Variants in STX3 observed in about 807,000 individuals in gnomAD.
STX3 encodes the protein syntaxin 3.
STX3 carries 19 observed loss-of-function variants against 40.2 expected under a neutral mutation model. The ratio of observed to expected loss-of-function variants is 0.47; its 90% CI spans 0.33 to 0.69. The LOEUF (loss-of-function observed/expected upper bound fraction) is 0.69. STX3 is among the 30% of genes least tolerant of loss of function. The pLI, the probability that STX3 is intolerant of heterozygous loss-of-function variation, is 0.02. For synonymous variants in STX3, 122 were observed against 132.2 expected (o/e 0.92, Z 0.53); for missense variants, 364 against 366.7 (o/e 0.99, Z 0.06).
chr11:59,805,603 T>TGA lies in STX3; in HGVS notation c.*4781_*4782dup, dbSNP rs1459290702. 1 of 152,246 alleles carries TGA rather than the reference T, an allele frequency of 6.6e-6. No homozygotes were observed. The highest frequency in any genetic ancestry group is 1.9e-4 in the East Asian group (1 of 5,202). The allele number at this position is 152,246 out of a possible 1,614,324, so 9.4% of individuals were successfully genotyped here. The stretch of plus-strand genomic sequence containing the variant: ...AAACGGAGCTGGAGCTATGAGGATC[T>TGA]GAGTCCTAGGGGGCCCTCATTCACT... On this transcript the variant is annotated 3_prime_UTR_variant, in exon 11 of 11. Transcript: ENST00000337979.
chr11:59,766,818 A>T (rs1026366008), intron 1 of STX3, among the ~76,000 whole-genome samples: 7 of 152,222 alleles, frequency 4.6e-5, no homozygotes, highest in African/African-American at 1.7e-4. Flanking sequence ...GCAAATCAGT[A>T]GCTGGGAGAC....
intron 2 of STX3, among the ~76,000 whole-genome samples, chr11:59,778,542 A>T (rs1466512324): frequency 2.0e-5 from 3 of 152,104 alleles, no homozygotes; most frequent in African/African-American, 7.2e-5. Context: ...TGTTAAAAAG[A>T]AAGAGAGGGA....
chr11:59,759,432 T>G (rs564927210), intron 1 of STX3, among the ~76,000 whole-genome samples: 1 of 152,210 alleles, frequency 6.6e-6, no homozygotes, highest in Non-Finnish European at 1.5e-5. Context: ...GCGTCAAGTT[T>G]AGGCAGGATT....
In STX3 at chr11:59,773,240, T is replaced by C; in HGVS notation, c.60T>C (p.Asp20=). ...AKQLTQDDDT[D]AVEIAIDNTA... is the part of the protein sequence containing the mutation. The stretch of plus-strand genomic sequence containing the variant: ...AGCTGACACAGGATGATGATACTGA[T>C]GCGGTTGAGATTGCTATCGACAACA... The change falls in exon 2 of 11, where the codon GAT becomes GAC. Residue 20 remains aspartate, a synonymous_variant. Coordinates refer to ENST00000337979, the MANE Select transcript of STX3 (RefSeq NM_004177.5). 2 of 1,614,236 alleles carry C rather than the reference T, an allele frequency of 1.2e-6. No homozygotes were observed. The highest frequency in any genetic ancestry group is 1.6e-4 in the Middle Eastern group (1 of 6,062).
At chr11:59,760,873 C>T (rs1228249544) in intron 1 of STX3, among the ~76,000 whole-genome samples, 1 of 152,208 alleles carries the variant, frequency 6.6e-6, no homozygotes, top group Non-Finnish European at 1.5e-5. Flanking sequence ...CACTATATGC[C>T]TCTGATGCAA....
chr11:59,759,243 A>G (rs1346171303), intron 1 of STX3, among the ~76,000 whole-genome samples: 2 of 152,222 alleles, frequency 1.3e-5, no homozygotes, highest in East Asian at 3.8e-4. Context: ...AAGTGAGTGA[A>G]TTGAGGCTTA....
In STX3 at chr11:59,801,460, C is replaced by T; in HGVS notation, c.*636C>T. Reference sequence around the variant, plus strand: ...AGCTTGGGGGGCAACTTTGATTTTTCTCTGTGTTGTAGTCTCTCATATTTA... The same window carrying T: ...AGCTTGGGGGGCAACTTTGATTTTTTTCTGTGTTGTAGTCTCTCATATTTA... On this transcript the variant is annotated 3_prime_UTR_variant, in exon 11 of 11. Coordinates refer to ENST00000337979, the MANE Select transcript of STX3 (RefSeq NM_004177.5). The T allele has an allele frequency of 1.0e-6, 1 of 986,458 alleles. No homozygotes were observed. The highest frequency in any genetic ancestry group is 1.2e-6 in the Non-Finnish European group (1 of 830,626). 61.1% of individuals were successfully genotyped at this position (986,458 alleles called of 1,614,324 possible).
chr11:59,757,517 C>G (rs1862785303), intron 1 of STX3, among the ~76,000 whole-genome samples: 1 of 152,172 alleles, frequency 6.6e-6, no homozygotes, highest in South Asian at 2.1e-4. Flanking sequence ...CTTTGCCTCT[C>G]CTCGGTGCCT....
intron 3 of STX3, among the ~76,000 whole-genome samples, chr11:59,788,548 G>A (rs1257976517): frequency 6.6e-6 from 1 of 151,858 alleles, no homozygotes; most frequent in Non-Finnish European, 1.5e-5. Context: ...CGAAGCTCCC[G>A]TGGTAGGCTC....
chr11:59,755,997 C>T (rs1018307657), intron 1 of STX3, among the ~76,000 whole-genome samples: 2 of 152,230 alleles, frequency 1.3e-5, no homozygotes, highest in African/African-American at 4.8e-5. Context: ...GCCTCCTTCT[C>T]CCTTTCCTGT....
intron 4 of STX3, chr11:59,789,192 C>A: frequency 2.9e-6 from 1 of 343,496 alleles, no homozygotes; most frequent in Non-Finnish European, 5.4e-6. Context: ...TTAAAATGTG[C>A]TTTCAGCTGC....
At chr11:59,770,021 G>A (rs1003442564) in intron 1 of STX3, among the ~76,000 whole-genome samples, 7 of 150,242 alleles carry the variant, frequency 4.7e-5, no homozygotes, top group African/African-American at 7.5e-5. Flanking sequence ...TGTGTGGAGT[G>A]TGTGTGTGTG....
At position 59,755,652 on chromosome 11, in the gene STX3, G is replaced by C. The variant is rs1299442089; in HGVS notation, c.30+17G>C. ...CTGAAGGCCGTGAGTTTCGCCGCAGGCGGGGTGCTGCCAGGAGGGGTGCTG... is the reference window on the plus strand; with the variant it reads ...CTGAAGGCCGTGAGTTTCGCCGCAGCCGGGGTGCTGCCAGGAGGGGTGCTG... On this transcript the variant is annotated intron_variant, in intron 1 of 10. Transcript: ENST00000337979. 1 of 1,591,480 alleles carries C rather than the reference G, an allele frequency of 6.3e-7. No homozygotes were observed. Among genetic ancestry groups the C allele is most frequent in the Non-Finnish European group, 8.5e-7 (1 of 1,174,972 alleles).
At chr11:59,768,826 T>C (rs1034018528) in intron 1 of STX3, among the ~76,000 whole-genome samples, 3 of 152,122 alleles carry the variant, frequency 2.0e-5, no homozygotes, top group African/African-American at 7.2e-5. Flanking sequence ...GGTCTGCTAC[T>C]CAAGCAAGGT....
At chr11:59,781,615 C>G in intron 2 of STX3, 1 of 1,613,670 alleles carries the variant, frequency 6.2e-7, no homozygotes, top group Non-Finnish European at 8.5e-7. Context: ...GCCATTGCGC[C>G]CATTTTTCGC....
At chr11:59,767,435 G>A (rs548083226) in intron 1 of STX3, among the ~76,000 whole-genome samples, 6 of 152,308 alleles carry the variant, frequency 3.9e-5, no homozygotes, top group Admixed American at 3.3e-4. Context: ...GCTAAGCTCA[G>A]TCATGTGGGC....
intron 1 of STX3, among the ~76,000 whole-genome samples, chr11:59,761,742 T>G (rs1268240369): frequency 6.6e-6 from 1 of 151,886 alleles, no homozygotes; most frequent in African/African-American, 2.4e-5. Context: ...ACCCCCCACC[T>G]AAAGAGATTA....
chr11:59,770,117 TG>T (rs1361285582), intron 1 of STX3, among the ~76,000 whole-genome samples: 1 of 150,556 alleles, frequency 6.6e-6, no homozygotes, highest in Non-Finnish European at 1.5e-5. Context: ...TGTGGGTGTA[TG>T]TGTGGAGTGT....
chr11:59,790,645 C>A (rs1481756384), intron 5 of STX3, 59 bp downstream of exon 5: 10 of 1,319,556 alleles, frequency 7.6e-6, no homozygotes, highest in Admixed American at 1.9e-5. Context: ...TTTCCCTTAA[C>A]TGTGGAGGGA....
Sources: gnomAD v4.1 joint callset for allele counts (sites outside exome capture counted in the v4.1 genomes callset) on GRCh38, gnomAD v4.1.1 for gene constraint, MANE v1.5 for transcripts, NCBI Gene and HGNC (gene_info 2026-07-23, HGNC 2026-07-21) for gene names.